PITPNM2: variants seen among roughly 807,000 people sequenced by gnomAD.
The protein encoded by PITPNM2 is phosphatidylinositol transfer protein membrane associated 2.
In PITPNM2, 35 loss-of-function variants were observed where a neutral mutation model predicts 132.2. That is an observed-to-expected ratio of 0.26 (90% CI 0.20 to 0.35). The LOEUF is 0.35. Among genes scored for constraint, PITPNM2 ranks in the 10% least tolerant of loss-of-function variants. The pLI, the probability that PITPNM2 is intolerant of heterozygous loss-of-function variation, is 1.00. For synonymous variants in PITPNM2, 738 were observed against 799.2 expected (o/e 0.92, Z 1.29); for missense variants, 1,332 against 1,912.0 (o/e 0.70, Z 5.66).
At chr12:122,998,612 G>A (rs923062768) in intron 10 of PITPNM2, among the ~76,000 whole-genome samples, 1 of 152,210 alleles carries the variant, frequency 6.6e-6, no homozygotes, top group Non-Finnish European at 1.5e-5. Flanking sequence ...TGATGTCTGG[G>A]GTGTGGGGGC....
rs1223216156 is a variant in PITPNM2 at position 123,023,140 on chromosome 12, C to G, written c.79-9098G>C. ...CCAGCTCACTGGAGGGAGGGGACAGCTAGGAGTGGCCCTTGCTGCCAAAGA... is the reference window on the plus strand; with the variant it reads ...CCAGCTCACTGGAGGGAGGGGACAGGTAGGAGTGGCCCTTGCTGCCAAAGA... On this transcript the variant is annotated intron_variant, in intron 3 of 25. Coordinates refer to ENST00000320201, the MANE Select transcript of PITPNM2 (RefSeq NM_020845.3). This position sits in a 1 kb window ranked among gnomAD's most constrained non-coding sequence, Gnocchi z 4.8. Among the ~76,000 whole-genome samples the G allele has an allele frequency of 6.6e-6, 1 of 152,232 alleles. No individual in the cohort carries two copies. The highest frequency in any genetic ancestry group is 2.4e-5 in the African/African-American group (1 of 41,472).
At chr12:123,012,814 G>C in intron 4 of PITPNM2, 80 bp from the exon 5 acceptor site, 1 of 1,557,512 alleles carries the variant, frequency 6.4e-7, no homozygotes, top group East Asian at 2.3e-5. Context: ...TGACCCACTG[G>C]GTAGGAGTGG....
intron 3 of PITPNM2, 75 bp from the exon 4 acceptor site, chr12:123,014,117 G>T: frequency 6.7e-7 from 1 of 1,492,440 alleles, no homozygotes; most frequent in Non-Finnish European, 9.3e-7. Flanking sequence ...CAGGAGACTG[G>T]GCCCAGGGGT....
At chr12:123,047,033 T>TAA (rs995560719) in intron 2 of PITPNM2, among the ~76,000 whole-genome samples, 206 of 152,324 alleles carry the variant, frequency 1.4e-3, no homozygotes, top group African/African-American at 4.9e-3. Context: ...CTTTTAGCCT[T>TAA]TTTATTCTTG....
At chr12:123,039,905 G>T (rs1313759599) in intron 2 of PITPNM2, among the ~76,000 whole-genome samples, 1 of 152,204 alleles carries the variant, frequency 6.6e-6, no homozygotes, top group Non-Finnish European at 1.5e-5. Flanking sequence ...GCCAAAGTAG[G>T]CAGATCACTT....
chr12:122,984,038 G>T lies in PITPNM2; in HGVS notation c.*1989C>A, dbSNP rs536608726. 6.5e-6 allele frequency: 1 copy of T among 152,884 alleles called. No individual in the cohort carries two copies. Among genetic ancestry groups the T allele is most frequent in the African/African-American group, 2.4e-5 (1 of 41,604 alleles). 9.5% of individuals were successfully genotyped at this position (152,884 alleles called of 1,614,324 possible). A position where few individuals can be genotyped will look rare whatever the true frequency, so the allele number is the denominator to read the frequency against. Reference sequence around the variant, plus strand: ...GGATACAGAAGAGACTTCCCATGGGGGGGCAGGCTGCCCACCTTGCCATCT... The same window carrying T: ...GGATACAGAAGAGACTTCCCATGGGTGGGCAGGCTGCCCACCTTGCCATCT... On this transcript the variant is annotated 3_prime_UTR_variant, in exon 26 of 26. Coordinates refer to ENST00000320201, the MANE Select transcript of PITPNM2 (RefSeq NM_020845.3).
Position 123,027,621 on chromosome 12 carries a change from C to A in PITPNM2, c.78+6892G>T, listed in dbSNP as rs555672648. On this transcript the variant is annotated intron_variant, in intron 3 of 25. Coordinates refer to ENST00000320201, the MANE Select transcript of PITPNM2 (RefSeq NM_020845.3). ...CGTGAGGATTAAAGCAGGTTCTGAT[C>A]ATTTGCTGGACACTGATTCAGTCGG... Among the ~76,000 whole-genome samples the A allele has an allele frequency of 3.3e-5, 5 of 152,344 alleles. No individual in the cohort carries two copies. The East Asian group carries it at 9.6e-4, about 29-fold the overall frequency.
chr12:123,017,139 G>A (rs1485116679), intron 3 of PITPNM2, among the ~76,000 whole-genome samples: 2 of 152,048 alleles, frequency 1.3e-5, no homozygotes, highest in African/African-American at 2.4e-5. Context: ...GGGAGGCTGA[G>A]GCAGGTGGAT....
In PITPNM2 at chr12:123,099,140, T is replaced by G. The variant is rs2042486404; in HGVS notation, c.-96+11245A>C. On this transcript the variant is annotated intron_variant, in intron 2 of 25. Transcript: ENST00000320201. The surrounding 1 kb of genome is among the most constrained non-coding windows in gnomAD (Gnocchi z 4.2). Reference sequence around the variant, plus strand: ...CAGGGGCTGAGTTCCCCTTCCTCACTGGATCTCTGATTCAGTGGGCACAGC... The same window carrying G: ...CAGGGGCTGAGTTCCCCTTCCTCACGGGATCTCTGATTCAGTGGGCACAGC... Among the ~76,000 whole-genome samples the G allele has an allele frequency of 6.6e-6, 1 of 152,052 alleles. No individual in the cohort carries two copies. Among genetic ancestry groups the G allele is most frequent in the Non-Finnish European group, 1.5e-5 (1 of 68,002 alleles).
At position 123,036,684 on chromosome 12, in the gene PITPNM2, C is replaced by T. The variant is rs1165267153; in HGVS notation, c.-95-1999G>A. ...CCTGGATCCCAGACCCCAACTGCCCCTTGGAGGTCTCTGACCCAGACTCCC... is the reference window on the plus strand; with the variant it reads ...CCTGGATCCCAGACCCCAACTGCCCTTTGGAGGTCTCTGACCCAGACTCCC... On this transcript the variant is annotated intron_variant, in intron 2 of 25. Transcript: ENST00000320201. The surrounding 1 kb of genome is among the most constrained non-coding windows in gnomAD (Gnocchi z 4.1). 6.6e-6 allele frequency among the ~76,000 whole-genome samples: 1 copy of T among 152,212 alleles called. No individual in the cohort carries two copies. The highest frequency in any genetic ancestry group is 2.4e-5 in the African/African-American group (1 of 41,454).
intron 1 of PITPNM2, among the ~76,000 whole-genome samples, chr12:123,115,032 T>C (rs2042908669): frequency 6.6e-6 from 1 of 152,200 alleles, no homozygotes; most frequent in Non-Finnish European, 1.5e-5. Context: ...TCCAGCTCCC[T>C]GCATGCTGCT....
At chr12:123,151,603 G>C (rs764742944), upstream of PITPNM2, among the ~76,000 whole-genome samples, 6 of 152,128 alleles carry the variant, frequency 3.9e-5, no homozygotes, top group Non-Finnish European at 8.8e-5. Flanking sequence ...CCCAGGGAAC[G>C]GCAGAGCCGG....
intron 1 of PITPNM2, among the ~76,000 whole-genome samples, chr12:123,123,892 CACCACCGCACTCT>C (rs1280836730): frequency 6.8e-6 from 1 of 148,010 alleles, no homozygotes; most frequent in African/African-American, 2.5e-5. Flanking sequence ...GTGGAGATCG[CACCACCGCACTCT>C]ACCCTGGGCA....
chr12:122,996,428 T>C (rs1394020035), intron 13 of PITPNM2, 30 bp downstream of exon 13: 41 of 1,611,784 alleles, frequency 2.5e-5, no homozygotes, highest in Non-Finnish European at 3.4e-5. Flanking sequence ...CTTCAGGCCT[T>C]GGGGACTGTC....
Position 123,004,292 on chromosome 12 carries a change from G to T in PITPNM2, c.1048+102C>A. ...AGGGACTGGATATAGAATAGTAACA[G>T]GCAACACCCGCATCAGTCCACACCC... On this transcript the variant is annotated intron_variant, in intron 8 of 25. Coordinates refer to ENST00000320201, the MANE Select transcript of PITPNM2 (RefSeq NM_020845.3). This position sits in a 1 kb window ranked among gnomAD's most constrained non-coding sequence, Gnocchi z 4.9. The T allele has an allele frequency of 9.3e-7, 1 of 1,080,744 alleles. No homozygotes were observed. Among genetic ancestry groups the T allele is most frequent in the African/African-American group, 1.5e-5 (1 of 64,720 alleles). The allele number at this position is 1,080,744 out of a possible 1,614,324, so 66.9% of individuals were successfully genotyped here.
rs1447036075 is a variant in PITPNM2 at position 123,077,717 on chromosome 12, C to T, written c.-96+32668G>A. On this transcript the variant is annotated intron_variant, in intron 2 of 25. Transcript: ENST00000320201. The surrounding 1 kb of genome is among the most constrained non-coding windows in gnomAD (Gnocchi z 4.8). ...CTTCGGAGAGAAAGCAAGCAGCCCGCGTGACCAGACAGAGCCTTCCTTGCT... is the reference window on the plus strand; with the variant it reads ...CTTCGGAGAGAAAGCAAGCAGCCCGTGTGACCAGACAGAGCCTTCCTTGCT... Among the ~76,000 whole-genome samples, 1 of 152,182 alleles carries T rather than the reference C, an allele frequency of 6.6e-6. No homozygotes were observed. Among genetic ancestry groups the T allele is most frequent in the African/African-American group, 2.4e-5 (1 of 41,458 alleles).
intron 2 of PITPNM2, among the ~76,000 whole-genome samples, chr12:123,051,265 A>G (rs2040847550): frequency 6.6e-6 from 1 of 152,210 alleles, no homozygotes; most frequent in African/African-American, 2.4e-5. Flanking sequence ...GCTGGGCTGA[A>G]ATCAAGCACT....
At chr12:123,027,160 C>A (rs2039893470) in intron 3 of PITPNM2, among the ~76,000 whole-genome samples, 1 of 151,500 alleles carries the variant, frequency 6.6e-6, no homozygotes, top group African/African-American at 2.4e-5. Context: ...GTGGAGTCCT[C>A]ACCACCTCCC....
Position 122,988,217 on chromosome 12 carries a change from G to A in PITPNM2, c.2997+17C>T, listed in dbSNP as rs200598618. 5.6e-6 allele frequency: 9 copies of A among 1,605,498 alleles called. No individual in the cohort carries two copies. The highest frequency in any genetic ancestry group is 1.7e-4 in the Middle Eastern group (1 of 6,046). The stretch of plus-strand genomic sequence containing the variant: ...AGGGTGACATCGTGGGGGCCTGGGC[G>A]CCCGGGGGACCCTCACCCGCAGCTT... On this transcript the variant is annotated intron_variant, in intron 20 of 25. Transcript: ENST00000320201.
Sources: gnomAD v4.1 joint callset for allele counts (sites outside exome capture counted in the v4.1 genomes callset) on GRCh38, gnomAD v4.1.1 for gene constraint, Gnocchi (gnomAD v3.1) non-coding constraint, MANE v1.5 for transcripts, NCBI Gene and HGNC (gene_info 2026-07-23, HGNC 2026-07-21) for gene names.